CFAP20DC: variants seen among roughly 807,000 people sequenced by gnomAD.
The protein encoded by CFAP20DC is protein CFAP20DC.
CFAP20DC carries 84 observed loss-of-function variants against 101.7 expected under a neutral mutation model. The ratio of observed to expected loss-of-function variants is 0.83; its 90% CI spans 0.69 to 0.99. The LOEUF is 0.99. Ranked by LOEUF, CFAP20DC falls within the 50% of genes least tolerant of loss-of-function variation. The pLI is 0.00. For missense variants in CFAP20DC, 1,007 were observed against 970.3 expected (o/e 1.04, Z -0.50); for synonymous variants, 359 against 351.2 (o/e 1.02, Z -0.25).
chr3:58,950,604 C>T (rs1017744220), intron 4 of CFAP20DC, among the ~76,000 whole-genome samples: 1 of 152,172 alleles, frequency 6.6e-6, no homozygotes, highest in Non-Finnish European at 1.5e-5. Context: ...AGAAATAACA[C>T]CGCATATCTA....
intron 5 of CFAP20DC, among the ~76,000 whole-genome samples, chr3:58,924,427 T>C (rs1576326478): frequency 6.6e-6 from 1 of 152,316 alleles, no homozygotes; most frequent in East Asian, 1.9e-4. Flanking sequence ...TTTATGGCTG[T>C]GCAGTATTTC....
rs2093348464 is a variant in CFAP20DC, at chr3:59,002,960, A to T, written c.278+36597T>A. 6.6e-6 allele frequency among the ~76,000 whole-genome samples: 1 copy of T among 152,216 alleles called. No individual in the cohort carries two copies. The highest frequency in any genetic ancestry group is 2.1e-4 in the South Asian group (1 of 4,830). On this transcript the variant is annotated intron_variant, in intron 4 of 16. Coordinates refer to ENST00000482387, the MANE Select transcript of CFAP20DC (RefSeq NM_001394063.1). This position sits in a 1 kb window ranked among gnomAD's most constrained non-coding sequence, Gnocchi z 4.5. ...TTGGTTACTGACAGAGCTATAATGC[A>T]TCCAAGATTTCTGACTGAATATCCA... is the stretch of plus-strand genomic sequence containing the variant.
At chr3:58,768,183 C>T (rs2070497469) in intron 15 of CFAP20DC, among the ~76,000 whole-genome samples, 1 of 152,100 alleles carries the variant, frequency 6.6e-6, no homozygotes, top group Admixed American at 6.5e-5. Context: ...GCTGTGCTTC[C>T]CTGGAACTTC....
At chr3:58,917,873 G>A (rs996554725) in intron 5 of CFAP20DC, among the ~76,000 whole-genome samples, 1 of 152,046 alleles carries the variant, frequency 6.6e-6, no homozygotes, top group African/African-American at 2.4e-5. Context: ...AGGAAAGCTG[G>A]GGCTGCCAGA....
rs952724294 is a variant in CFAP20DC at position 59,007,989 on chromosome 3, T to G, written c.278+31568A>C. ...CCCAACAGACAGGCAGCCTCTGTGA[T>G]CATGAAAGGCATTAGAGAAAGGGTC... On this transcript the variant is annotated intron_variant, in intron 4 of 16. Transcript: ENST00000482387. This position sits in a 1 kb window ranked among gnomAD's most constrained non-coding sequence, Gnocchi z 4.4. Among the ~76,000 whole-genome samples the G allele has an allele frequency of 6.6e-6, 1 of 152,156 alleles. No homozygotes were observed. Among genetic ancestry groups the G allele is most frequent in the South Asian group, 2.1e-4 (1 of 4,830 alleles).
chr3:58,809,928 C>T (rs1424330027), intron 14 of CFAP20DC, among the ~76,000 whole-genome samples: 2 of 152,046 alleles, frequency 1.3e-5, no homozygotes, highest in Admixed American at 6.6e-5. Flanking sequence ...CAAAAACCTC[C>T]ACGCAAATAA....
chr3:59,017,930 G>C (rs1453401101), intron 4 of CFAP20DC: 1 of 152,140 alleles, frequency 6.6e-6, no homozygotes. Context: ...GCTACAAACA[G>C]AGTGCAGCCC....
At chr3:59,008,154 G>A (rs188960789) in intron 4 of CFAP20DC, among the ~76,000 whole-genome samples, 215 of 152,246 alleles carry the variant, frequency 1.4e-3, no homozygotes, top group Non-Finnish European at 2.6e-3. Flanking sequence ...GATTCAGGCC[G>A]ACAGAGGAAG....
intron 14 of CFAP20DC, among the ~76,000 whole-genome samples, chr3:58,818,548 C>G (rs1177923629): frequency 6.7e-6 from 1 of 149,818 alleles, no homozygotes; most frequent in Non-Finnish European, 1.5e-5. Context: ...CAAAGAAGGC[C>G]ATTACATAAT....
chr3:58,924,279 A>T (rs1293073992), intron 5 of CFAP20DC, among the ~76,000 whole-genome samples: 2 of 152,016 alleles, frequency 1.3e-5, no homozygotes, highest in African/African-American at 4.8e-5. Flanking sequence ...GTTTCTCTCC[A>T]TATGTACATG....
chr3:58,829,978 G>A (rs1382236318), intron 14 of CFAP20DC, among the ~76,000 whole-genome samples: 1 of 152,112 alleles, frequency 6.6e-6, no homozygotes, highest in Non-Finnish European at 1.5e-5. Flanking sequence ...CAATTCTACT[G>A]CAAATTGTAC....
intron 14 of CFAP20DC, among the ~76,000 whole-genome samples, chr3:58,808,229 C>G (rs1309780019): frequency 1.3e-5 from 2 of 152,176 alleles, no homozygotes; most frequent in Non-Finnish European, 2.9e-5. Flanking sequence ...CAAAGACACT[C>G]CTCCAGAAGA....
At chr3:58,809,396 A>T (rs372143186) in intron 14 of CFAP20DC, among the ~76,000 whole-genome samples, 1 of 152,164 alleles carries the variant, frequency 6.6e-6, no homozygotes, top group Non-Finnish European at 1.5e-5. Context: ...GGATTAAGAA[A>T]CTCACTTAAA....
chr3:58,982,831 C>G (rs2092616331), intron 4 of CFAP20DC, among the ~76,000 whole-genome samples: 1 of 151,882 alleles, frequency 6.6e-6, no homozygotes. Flanking sequence ...ACATTGTGCA[C>G]ATGTACCCTA....
chr3:58,842,895 A>G (rs2077268126), intron 13 of CFAP20DC, among the ~76,000 whole-genome samples: 1 of 152,214 alleles, frequency 6.6e-6, no homozygotes, highest in Non-Finnish European at 1.5e-5. Context: ...AACCCCCAGC[A>G]GGGGCACACT....
intron 6 of CFAP20DC, among the ~76,000 whole-genome samples, chr3:58,905,411 A>G (rs2083497627): frequency 6.6e-6 from 1 of 152,214 alleles, no homozygotes; most frequent in African/African-American, 2.4e-5. Context: ...AAATGCCTAA[A>G]AATGCCAGCT....
At chr3:58,984,527 G>T (rs1159043773) in intron 4 of CFAP20DC, among the ~76,000 whole-genome samples, 1 of 152,198 alleles carries the variant, frequency 6.6e-6, no homozygotes, top group African/African-American at 2.4e-5. Flanking sequence ...TTTAACTTTA[G>T]AGGGTCTTGC....
intron 14 of CFAP20DC, among the ~76,000 whole-genome samples, chr3:58,812,586 A>C (rs2074749912): frequency 6.6e-6 from 1 of 151,764 alleles, no homozygotes; most frequent in African/African-American, 2.4e-5. Flanking sequence ...GGATAGCATT[A>C]GGAGATATAA....
chr3:58,955,964 G>A (rs1324110936), intron 4 of CFAP20DC, among the ~76,000 whole-genome samples: 2 of 151,288 alleles, frequency 1.3e-5, no homozygotes, highest in Non-Finnish European at 2.9e-5. Context: ...CACTGCCTTG[G>A]AGGAAAGATT....
Sources: gnomAD v4.1 joint callset for allele counts (sites outside exome capture counted in the v4.1 genomes callset) on GRCh38, gnomAD v4.1.1 for gene constraint, Gnocchi (gnomAD v3.1) non-coding constraint, MANE v1.5 for transcripts, NCBI Gene and HGNC (gene_info 2026-07-23, HGNC 2026-07-21) for gene names.